The following METTL21A variants were observed in gnomAD, a reference collection of about 807,000 sequenced individuals.
The protein encoded by METTL21A is methyltransferase 21A, HSPA lysine.
A neutral mutation model predicts 20.9 loss-of-function variants in METTL21A; 22 were observed. That is an observed-to-expected ratio of 1.05 (90% CI 0.75 to 1.50). The LOEUF is 1.50. Ranked by LOEUF, METTL21A falls within the 40% of genes most tolerant of loss-of-function variation. The pLI is 0.00. For synonymous variants in METTL21A, 93 were observed against 102.0 expected (o/e 0.91, Z 0.53); for missense variants, 271 against 266.8 (o/e 1.02, Z -0.11).
rs184368554 is a variant in METTL21A at position 207,588,537 on chromosome 2, G to C, written c.260-6377C>G. On this transcript the variant is annotated intron_variant, in intron 3 of 3. Transcript: ENST00000425132. ...CACTTTAATGTATATTTTATAATCCGCTTGTTGATGTCTACGGAAAGTGTG... is the reference window on the plus strand; with the variant it reads ...CACTTTAATGTATATTTTATAATCCCCTTGTTGATGTCTACGGAAAGTGTG... Among the ~76,000 whole-genome samples, 53 of 152,140 alleles carry C rather than the reference G, an allele frequency of 3.5e-4. 1 individual carries two copies. In the South Asian group the frequency reaches 0.011, roughly 32 times the overall value.
chr2:207,588,613 A>G (rs2084329036), intron 3 of METTL21A, among the ~76,000 whole-genome samples: 1 of 152,202 alleles, frequency 6.6e-6, no homozygotes, highest in Non-Finnish European at 1.5e-5. Context: ...ATTGTGAAGA[A>G]GTCACATCTT....
In METTL21A at chr2:207,589,128, A is replaced by C. The variant is rs1014635499; in HGVS notation, c.260-6968T>G. Reference sequence around the variant, plus strand: ...GCATGTCACAAACTGCCACAAACTTACTGGCTTAAACAACACAAATGTATT... The same window carrying C: ...GCATGTCACAAACTGCCACAAACTTCCTGGCTTAAACAACACAAATGTATT... On this transcript the variant is annotated intron_variant, in intron 3 of 3. Coordinates refer to the METTL21A transcript ENST00000425132. Among the ~76,000 whole-genome samples the C allele has an allele frequency of 7.4e-4, 113 of 152,158 alleles. 1 individual carries two copies. Among genetic ancestry groups the C allele is most frequent in the South Asian group, 4.1e-4 (2 of 4,832 alleles).
At chr2:207,606,677 G>C (rs1450853467), downstream of METTL21A, among the ~76,000 whole-genome samples, 5 of 152,092 alleles carry the variant, frequency 3.3e-5, no homozygotes, top group Non-Finnish European at 7.4e-5. Context: ...GGAGCAGTGA[G>C]GTTGTGACTT....
downstream of METTL21A, among the ~76,000 whole-genome samples, chr2:207,604,481 T>C: frequency 2.0e-5 from 1 of 49,064 alleles, no homozygotes; most frequent in Non-Finnish European, 4.0e-5. Context: ...GCGTCCTAAT[T>C]TCTCCACATC....
chr2:207,621,511 A>C (rs531007878), intron 3 of METTL21A, among the ~76,000 whole-genome samples: 68 of 152,318 alleles, frequency 4.5e-4, no homozygotes, highest in African/African-American at 1.6e-3. Context: ...ACTCACTTTA[A>C]GATCGTATTA....
At chr2:207,604,363 C>CGCT (rs2087689341), downstream of METTL21A, among the ~76,000 whole-genome samples, 1 of 152,196 alleles carries the variant, frequency 6.6e-6, no homozygotes, top group Non-Finnish European at 1.5e-5. Flanking sequence ...ATCTTCCTTC[C>CGCT]GCTGGTTTTT....
At chr2:207,612,574 G>A (rs1169352892), downstream of METTL21A, 1 of 152,604 alleles carries the variant, frequency 6.6e-6, no homozygotes, top group African/African-American at 2.4e-5. Context: ...GATTTAAATA[G>A]CACTAACAGC....
chr2:207,598,736 A>G (rs1365188427), intron 3 of METTL21A: 1 of 164,710 alleles, frequency 6.1e-6, no homozygotes, highest in Non-Finnish European at 1.3e-5. Flanking sequence ...AATCCCAGCT[A>G]CTCAGGAGGT....
chr2:207,597,160 T>C, intron 3 of METTL21A: 1 of 1,317,318 alleles, frequency 7.6e-7, no homozygotes, highest in Non-Finnish European at 1.0e-6. Flanking sequence ...TTTCTTTTTT[T>C]CTATGCGCAA....
chr2:207,594,556 A>G (rs972663321), intron 3 of METTL21A, among the ~76,000 whole-genome samples: 18 of 152,118 alleles, frequency 1.2e-4, no homozygotes, highest in African/African-American at 4.1e-4. Context: ...GGGCCTTCCT[A>G]AGGCTGAATA....
intron 3 of METTL21A, among the ~76,000 whole-genome samples, chr2:207,586,875 C>T (rs2083935794): frequency 6.6e-6 from 1 of 152,140 alleles, no homozygotes; most frequent in Admixed American, 6.5e-5. Flanking sequence ...ATCAAAAAGA[C>T]AAGAAGTAAC....
chr2:207,620,787 G>T (rs985277695), intron 3 of METTL21A: 1 of 1,151,916 alleles, frequency 8.7e-7, no homozygotes, highest in South Asian at 1.5e-5. Flanking sequence ...TTGGAAAGCA[G>T]CAGCTAAGCA....
chr2:207,624,461 TTAAC>T, intron 1 of METTL21A, 57 bp from the exon 2 acceptor site: 3 of 1,411,222 alleles, frequency 2.1e-6, no homozygotes, highest in South Asian at 1.5e-5. Flanking sequence ...TTATCTGTTC[TTAAC>T]TAACTCCAAA....
chr2:207,617,145 C>T (rs1212349360), intron 3 of METTL21A, among the ~76,000 whole-genome samples: 1 of 152,178 alleles, frequency 6.6e-6, no homozygotes, highest in Non-Finnish European at 1.5e-5. Context: ...AAACATGTGT[C>T]ATCAGTTTTC....
At chr2:207,589,629 T>C (rs1171087065) in intron 3 of METTL21A, among the ~76,000 whole-genome samples, 2 of 152,324 alleles carry the variant, frequency 1.3e-5, no homozygotes, top group South Asian at 4.1e-4. Flanking sequence ...TTTTAAAAAC[T>C]CTCTTTGATT....
At chr2:207,600,749 A>C (rs2086902618) in intron 3 of METTL21A, 1 of 210,794 alleles carries the variant, frequency 4.7e-6, no homozygotes. Flanking sequence ...ATCCCATCAG[A>C]TGTCATCTGG....
intron 3 of METTL21A, chr2:207,598,394 C>T (rs1465931545): frequency 5.5e-6 from 1 of 181,086 alleles, no homozygotes; most frequent in South Asian, 2.0e-4. Context: ...TTAAAACAGT[C>T]TGTATTTGTG....
intron 3 of METTL21A, among the ~76,000 whole-genome samples, chr2:207,614,683 A>G (rs2089455802): frequency 6.6e-6 from 1 of 152,160 alleles, no homozygotes; most frequent in Non-Finnish European, 1.5e-5. Context: ...ACTGTTTCTT[A>G]TGGGTTGTTG....
intron 3 of METTL21A, chr2:207,602,105 A>G: frequency 4.9e-6 from 1 of 204,710 alleles, no homozygotes; most frequent in Non-Finnish European, 1.0e-5. Flanking sequence ...CTTATTGATT[A>G]GTGAATGTAG....
Sources: allele counts gnomAD v4.1 joint callset (sites outside exome capture counted in the v4.1 genomes callset), GRCh38; gene constraint gnomAD v4.1.1; transcripts MANE v1.5; gene names NCBI Gene and HGNC (gene_info 2026-07-23, HGNC 2026-07-21).